The following SLC35A3 variants were observed in gnomAD, a reference collection of about 807,000 sequenced individuals.
SLC35A3 encodes the protein UDP-N-acetylglucosamine transporter.
In SLC35A3, 26 loss-of-function variants were observed where a neutral mutation model predicts 39.0. The observed-to-expected ratio is 0.67, with a 90% CI of 0.49 to 0.92. The LOEUF is 0.92. SLC35A3 is among the 40% of genes least tolerant of loss of function. The pLI, the probability that SLC35A3 is intolerant of heterozygous loss-of-function variation, is 0.00. For missense variants in SLC35A3, 299 were observed against 371.6 expected, an observed-to-expected ratio of 0.80 and a Z score of 1.61; for synonymous variants, 135 against 133.1, an observed-to-expected ratio of 1.01 and a Z score of -0.10.
At position 100,034,376 on chromosome 1, in the gene SLC35A3, CTTACTA is replaced by C. The variant is rs1483353564; in HGVS notation, c.*11903_*11908del. On this transcript the variant is annotated 3_prime_UTR_variant, in exon 8 of 8. Transcript: ENST00000533028. ...TGTTTGTTCAACTCTCATTTTACAT[CTTACTA>C]TTGAGTTTAAAAATTTTTATTTGCT... 1.3e-5 allele frequency: 2 copies of C among 152,034 alleles called. No homozygotes were observed. The highest frequency in any genetic ancestry group is 2.9e-5 in the Non-Finnish European group (2 of 68,014). The allele number at this position is 152,034 out of a possible 1,614,324, so 9.4% of individuals were successfully genotyped here.
intron 1 of SLC35A3, among the ~76,000 whole-genome samples, chr1:99,974,379 AAATAATT>A: frequency 6.6e-6 from 1 of 152,340 alleles, no homozygotes; most frequent in Non-Finnish European, 1.5e-5. Flanking sequence ...CAGAGAGATT[AAATAATT>A]TGCTGTACTA....
At chr1:99,995,156 CTTT>C (rs1658325483) in intron 2 of SLC35A3, among the ~76,000 whole-genome samples, 10 of 97,744 alleles carry the variant, frequency 1.0e-4, no homozygotes, top group African/African-American at 4.0e-5. Context: ...TTCTTTCTTT[CTTT>C]CTTTTTTTTT....
At chr1:99,994,744 G>T (rs1256348062) in intron 2 of SLC35A3, among the ~76,000 whole-genome samples, 1 of 152,176 alleles carries the variant, frequency 6.6e-6, no homozygotes, top group Admixed American at 6.6e-5. Context: ...ATGCTGGAAA[G>T]AACAATGAGT....
chr1:99,993,996 G>A (rs1253130530), intron 2 of SLC35A3, among the ~76,000 whole-genome samples: 2 of 152,006 alleles, frequency 1.3e-5, no homozygotes, highest in Admixed American at 1.3e-4. Context: ...GAGAGTAAGA[G>A]TAAATTTTAT....
chr1:99,994,975 G>GT (rs1294714524), intron 2 of SLC35A3, among the ~76,000 whole-genome samples: 4 of 151,740 alleles, frequency 2.6e-5, no homozygotes, highest in Non-Finnish European at 2.9e-5. Flanking sequence ...TTAATATTTT[G>GT]TTTTTTTGTT....
At position 100,023,221 on chromosome 1, in the gene SLC35A3, T is replaced by G. The variant is rs1221540447; in HGVS notation, c.*745T>G. ...TTTTATAGTAATGGAGGTTAGCCCT[T>G]AATCTCTTCATTGCATTTCATTTCT... On this transcript the variant is annotated 3_prime_UTR_variant, in exon 8 of 8. Coordinates refer to ENST00000533028, the MANE Select transcript of SLC35A3 (RefSeq NM_012243.3). 1.3e-5 allele frequency: 2 copies of G among 152,208 alleles called. No homozygotes were observed. Among genetic ancestry groups the G allele is most frequent in the Admixed American group, 6.5e-5 (1 of 15,282 alleles). The allele number at this position is 152,208 out of a possible 1,614,324, so 9.4% of individuals were successfully genotyped here.
intron 6 of SLC35A3, among the ~76,000 whole-genome samples, chr1:100,016,565 G>T (rs1660141343): frequency 6.6e-6 from 1 of 150,702 alleles, no homozygotes; most frequent in South Asian, 2.1e-4. Flanking sequence ...AGTAGAGACG[G>T]GGTTTCACTG....
chr1:100,014,181 A>G (rs1196828361), intron 5 of SLC35A3, among the ~76,000 whole-genome samples: 1 of 152,208 alleles, frequency 6.6e-6, no homozygotes, highest in Non-Finnish European at 1.5e-5. Flanking sequence ...TTTTTTGGAT[A>G]TCAGTTATTA....
chr1:100,011,509 G>A lies in SLC35A3; in HGVS notation c.610G>A (p.Val204Met). The A allele has an allele frequency of 4.6e-6, 7 of 1,511,768 alleles. No individual in the cohort carries two copies. The highest frequency in any genetic ancestry group is 6.3e-6 in the Non-Finnish European group (7 of 1,110,464). The allele number at this position is 1,511,768 out of a possible 1,614,324, so 93.6% of individuals were successfully genotyped here. A position where few individuals can be genotyped will look rare whatever the true frequency, so the allele number is the denominator to read the frequency against. Residue 204 changes from valine (V) to methionine (M), a missense_variant, in exon 5 of 8, where the codon GTG (valine) becomes ATG (methionine). Coordinates refer to ENST00000533028, the MANE Select transcript of SLC35A3 (RefSeq NM_012243.3). ...EKILKETKQS[V>M]WIRNIQLGFF... is the part of the protein sequence containing the mutation. ...AATCTTAAAAGAAACAAAACAATCA[G>A]TGTGGATAAGAAATATTCAGCTTGG...
rs1660720117 is a variant in SLC35A3 at position 100,023,972 on chromosome 1, A to G, written c.*1496A>G. On this transcript the variant is annotated 3_prime_UTR_variant, in exon 8 of 8. Transcript: ENST00000533028. Reference sequence around the variant, plus strand: ...CAGTAAGTGGAGATCACGCCACTGCACTCCAACCTGGGCGACACAGTGAGA... The same window carrying G: ...CAGTAAGTGGAGATCACGCCACTGCGCTCCAACCTGGGCGACACAGTGAGA... 6.6e-6 allele frequency: 1 copy of G among 151,322 alleles called. No individual in the cohort carries two copies. The highest frequency in any genetic ancestry group is 6.6e-5 in the Admixed American group (1 of 15,120). 9.4% of individuals were successfully genotyped at this position (151,322 alleles called of 1,614,324 possible).
chr1:99,993,723 T>C lies in SLC35A3; in HGVS notation c.169T>C (p.Leu57=), dbSNP rs1658225673. 1.9e-6 allele frequency: 3 copies of C among 1,614,044 alleles called. No individual in the cohort carries two copies. The highest frequency in any genetic ancestry group is 1.6e-4 in the Middle Eastern group (1 of 6,062). ...TTTGAAGATAATGGCCTGCATTTTA[T>C]TGGTCTACAAAGACAGCAGTAGGTA... ...ELLKIMACIL[L]VYKDSKCSLR... The change falls in exon 2 of 8, where the codon TTG becomes CTG. Residue 57 remains leucine (L), a synonymous_variant. Coordinates refer to ENST00000533028, the MANE Select transcript of SLC35A3 (RefSeq NM_012243.3).
At chr1:99,972,116 G>GT (rs1229190192) in intron 1 of SLC35A3, among the ~76,000 whole-genome samples, 8 of 151,954 alleles carry the variant, frequency 5.3e-5, no homozygotes, top group Non-Finnish European at 1.2e-4. Context: ...GGCCAGGCTG[G>GT]TCTTGAACTC....
intron 1 of SLC35A3, among the ~76,000 whole-genome samples, chr1:99,989,574 G>A (rs911250249): frequency 2.6e-5 from 4 of 152,232 alleles, no homozygotes; most frequent in Admixed American, 2.0e-4. Flanking sequence ...ATGAGCCACC[G>A]TGCCTGGCTG....
At chr1:99,981,461 AATTTT>A (rs959573846) in intron 1 of SLC35A3, among the ~76,000 whole-genome samples, 3 of 152,032 alleles carry the variant, frequency 2.0e-5, no homozygotes, top group Non-Finnish European at 2.9e-5. Context: ...AATGTATATG[AATTTT>A]ATTTTATTTT....
intron 4 of SLC35A3, among the ~76,000 whole-genome samples, chr1:100,010,645 A>ATGCAC (rs1159969538): frequency 6.6e-6 from 1 of 152,170 alleles, no homozygotes; most frequent in East Asian, 1.9e-4. Flanking sequence ...AGCTGTTATC[A>ATGCAC]TGCACTGCAC....
chr1:100,019,156 CTTT>C (rs71590280), intron 7 of SLC35A3, among the ~76,000 whole-genome samples: 2 of 141,938 alleles, frequency 1.4e-5, no homozygotes, highest in Non-Finnish European at 1.5e-5. Flanking sequence ...AAAAGCATAC[CTTT>C]TTTTTTTTTT....
At chr1:99,997,749 T>G (rs1270426508) in intron 2 of SLC35A3, among the ~76,000 whole-genome samples, 1 of 151,956 alleles carries the variant, frequency 6.6e-6, no homozygotes, top group African/African-American at 2.4e-5. Flanking sequence ...AGGCTTAATT[T>G]GTAGCAGCAT....
intron 1 of SLC35A3, among the ~76,000 whole-genome samples, chr1:99,985,090 T>C (rs1383522560): frequency 1.3e-5 from 2 of 152,206 alleles, no homozygotes; most frequent in Non-Finnish European, 2.9e-5. Context: ...TTTAGTCATC[T>C]ATATTTGTTT....
At chr1:99,983,821 C>G (rs1267708026) in intron 1 of SLC35A3, among the ~76,000 whole-genome samples, 1 of 152,054 alleles carries the variant, frequency 6.6e-6, no homozygotes, top group East Asian at 1.9e-4. Context: ...TGAGGTTTCA[C>G]CATGTTGGCC....
Sources: gnomAD v4.1 joint callset for allele counts (sites outside exome capture counted in the v4.1 genomes callset) on GRCh38, gnomAD v4.1.1 for gene constraint, MANE v1.5 for transcripts, NCBI Gene and HGNC (gene_info 2026-07-23, HGNC 2026-07-21) for gene names.